VASH2: variants seen among roughly 807,000 people sequenced by gnomAD.
VASH2 encodes vasohibin 2.
Under a neutral mutation model 37.2 loss-of-function variants are expected in VASH2, and 28 were observed. The ratio of observed to expected loss-of-function variants is 0.75; its 90% CI spans 0.56 to 1.03. The LOEUF (loss-of-function observed/expected upper bound fraction) is 1.03. VASH2 is among the 50% of genes least tolerant of loss of function. The pLI is 0.00. For missense variants in VASH2, 419 were observed against 459.1 expected, an observed-to-expected ratio of 0.91 and a Z score of 0.80; for synonymous variants, 188 against 174.7, an observed-to-expected ratio of 1.08 and a Z score of -0.60.
At chr1:212,980,672 A>C (rs762611395) in intron 7 of VASH2, among the ~76,000 whole-genome samples, 1 of 152,212 alleles carries the variant, frequency 6.6e-6, no homozygotes, top group Non-Finnish European at 1.5e-5. Flanking sequence ...AAGTTGTTTA[A>C]TGAAGTCATT....
intron 6 of VASH2, chr1:212,973,393 A>G (rs1005287836): frequency 7.7e-7 from 1 of 1,291,706 alleles, no homozygotes. Context: ...CTCCAAAGTG[A>G]TGTGATTCCC....
intron 7 of VASH2, chr1:212,974,977 T>C (rs1667126993): frequency 6.6e-6 from 1 of 152,238 alleles, no homozygotes; most frequent in East Asian, 1.9e-4. Context: ...GTAGATGATG[T>C]AACGAGAGTG....
chr1:212,972,237 T>A (rs1394219241), intron 5 of VASH2, among the ~76,000 whole-genome samples: 1 of 152,128 alleles, frequency 6.6e-6, no homozygotes, highest in Non-Finnish European at 1.5e-5. Context: ...GAAGGGATAG[T>A]CATGAGGCTG....
chr1:212,974,285 C>G (rs562325170), intron 7 of VASH2, among the ~76,000 whole-genome samples: 9 of 152,126 alleles, frequency 5.9e-5, no homozygotes, highest in Non-Finnish European at 1.3e-4. Flanking sequence ...TGCACACAAA[C>G]GGAGGGATAA....
At chr1:212,983,518 G>A (rs562654179) in intron 7 of VASH2, among the ~76,000 whole-genome samples, 9 of 141,980 alleles carry the variant, frequency 6.3e-5, no homozygotes, top group East Asian at 2.1e-4. Context: ...TGATGCCCCC[G>A]GATCCACACA....
chr1:212,955,804 C>G (rs1666471922), intron 2 of VASH2, among the ~76,000 whole-genome samples: 2 of 152,220 alleles, frequency 1.3e-5, no homozygotes, highest in South Asian at 4.1e-4. Flanking sequence ...AGGGCTGTCC[C>G]TGCCCGCTGC....
At chr1:212,970,912 C>G (rs903462817) in intron 5 of VASH2, among the ~76,000 whole-genome samples, 1 of 149,218 alleles carries the variant, frequency 6.7e-6, no homozygotes, top group African/African-American at 2.5e-5. Flanking sequence ...AAAAAAAGAC[C>G]ACCATTCCTC....
chr1:212,961,341 G>A, intron 3 of VASH2, 87 bp downstream of exon 3: 2 of 1,601,752 alleles, frequency 1.2e-6, no homozygotes, highest in Non-Finnish European at 1.7e-6. Flanking sequence ...TCCCCAGCTG[G>A]TCATCAAAAG....
chr1:212,963,279 G>C (rs1373333976), intron 3 of VASH2, among the ~76,000 whole-genome samples: 1 of 152,216 alleles, frequency 6.6e-6, no homozygotes, highest in African/African-American at 2.4e-5. Flanking sequence ...ACTGCAGAGA[G>C]GGCCAGAGAA....
chr1:212,971,107 A>C lies in VASH2; in HGVS notation c.498-1473A>C, dbSNP rs538837742. Among the ~76,000 whole-genome samples, 2,063 of 152,294 alleles carry C rather than the reference A, an allele frequency of 0.014. 52 individuals carry two copies. The highest frequency in any genetic ancestry group is 0.046 in the African/African-American group (1,909 of 41,544). On this transcript the variant is annotated intron_variant, in intron 5 of 7. Coordinates refer to ENST00000517399, the MANE Select transcript of VASH2 (RefSeq NM_001301056.2). The surrounding 1 kb of genome is among the most constrained non-coding windows in gnomAD (Gnocchi z 4.0). ...TTCACTCAGCATGTCTTCAAGGCTC[A>C]TTCTGCACATTGCAGAATTTCCCTC...
At chr1:212,974,407 G>A (rs1667112220) in intron 7 of VASH2, among the ~76,000 whole-genome samples, 1 of 152,190 alleles carries the variant, frequency 6.6e-6, no homozygotes, top group Admixed American at 6.5e-5. Flanking sequence ...GCTTGGGGAT[G>A]TCTTTGTTAT....
At chr1:212,974,193 A>G in intron 7 of VASH2, 123 bp downstream of exon 7, 2 of 1,255,704 alleles carry the variant, frequency 1.6e-6, no homozygotes, top group East Asian at 2.7e-5. Context: ...AATCTCCAAG[A>G]GGACTGCCCC....
intron 3 of VASH2, among the ~76,000 whole-genome samples, chr1:212,964,180 A>ATCAGACT (rs1272713317): frequency 1.3e-5 from 2 of 152,204 alleles, no homozygotes; most frequent in Non-Finnish European, 2.9e-5. Context: ...ATGGCCTGAA[A>ATCAGACT]TCAGACTCTC....
At chr1:212,960,074 C>T (rs929358825) in intron 2 of VASH2, among the ~76,000 whole-genome samples, 2 of 152,184 alleles carry the variant, frequency 1.3e-5, no homozygotes, top group Non-Finnish European at 2.9e-5. Flanking sequence ...CAAGAAAACC[C>T]CAAACCGTGC....
intron 7 of VASH2, among the ~76,000 whole-genome samples, chr1:212,981,420 G>A (rs1438496348): frequency 1.3e-5 from 2 of 152,228 alleles, no homozygotes; most frequent in Non-Finnish European, 2.9e-5. Context: ...CTGAGGCCAT[G>A]CTCTGCCTCT....
chr1:212,968,974 C>T, intron 5 of VASH2: 1 of 985,432 alleles, frequency 1.0e-6, no homozygotes, highest in Non-Finnish European at 1.2e-6. Flanking sequence ...CATCATGCCA[C>T]TGGAATCACC....
At chr1:212,961,129 C>G (rs1181456158) in intron 2 of VASH2, 37 bp from the exon 3 acceptor site, 1 of 1,608,968 alleles carries the variant, frequency 6.2e-7, no homozygotes, top group African/African-American at 1.3e-5. Flanking sequence ...CAGAGCGCCT[C>G]CTTCATAAAC....
chr1:212,969,862 A>G (rs1666957471), intron 5 of VASH2, among the ~76,000 whole-genome samples: 1 of 152,196 alleles, frequency 6.6e-6, no homozygotes, highest in Non-Finnish European at 1.5e-5. Flanking sequence ...GCCTGTGTCC[A>G]TTGGCCTGTC....
At chr1:212,956,768 A>G (rs1233862409) in intron 2 of VASH2, among the ~76,000 whole-genome samples, 2 of 152,208 alleles carry the variant, frequency 1.3e-5, no homozygotes, top group African/African-American at 4.8e-5. Context: ...TTATATTATT[A>G]GAGCACTTAA....
Sources: allele counts gnomAD v4.1 joint callset (sites outside exome capture counted in the v4.1 genomes callset), GRCh38; gene constraint gnomAD v4.1.1; non-coding constraint Gnocchi (gnomAD v3.1); transcripts MANE v1.5; gene names NCBI Gene and HGNC (gene_info 2026-07-23, HGNC 2026-07-21).